Variants in CLCN4 observed in about 807,000 individuals in gnomAD.
CLCN4 encodes the protein Cl-/H+ antiporter 4.
A neutral mutation model predicts 41.7 loss-of-function variants in CLCN4; 1 was observed. The observed-to-expected ratio is 0.02, with a 90% CI of 0.01 to 0.11. CLCN4 has a LOEUF of 0.11. Ranked by LOEUF, CLCN4 falls within the 10% of genes least tolerant of loss-of-function variation. The probability of loss-of-function intolerance (pLI) is 1.00; values close to 1 mark genes in which losing one functional copy is unlikely to be tolerated. For missense variants in CLCN4, 287 were observed against 661.0 expected (o/e 0.43, Z 6.20); for synonymous variants, 277 against 285.8 (o/e 0.97, Z 0.31).
At chrX:10,196,355 A>C (rs1316046603) in intron 5 of CLCN4, among the ~76,000 whole-genome samples, 1 of 111,801 alleles carries the variant, frequency 8.9e-6, no homozygotes, top group Non-Finnish European at 1.9e-5. Flanking sequence ...TTCAGGAAAG[A>C]GTTAACTTCT....
intron 8 of CLCN4, 28 bp downstream of exon 8, chrX:10,206,804 T>C (rs1167307477): frequency 9.1e-7 from 1 of 1,098,029 alleles, no homozygotes; most frequent in East Asian, 3.0e-5. Flanking sequence ...AGGGAATTCG[T>C]GATTTTGAGC....
At chrX:10,184,847 T>C (rs192275936) in intron 2 of CLCN4, among the ~76,000 whole-genome samples, 175 bp from the exon 3 acceptor site, 328 of 112,255 alleles carry the variant, frequency 2.9e-3, no homozygotes, top group African/African-American at 9.9e-3. Flanking sequence ...GGTGACTTTA[T>C]AGAGCATAAC....
rs372694824 is a variant in CLCN4, at chrX:10,208,322, T to C, written c.1121T>C (p.Ile374Thr). Residue 374 changes from isoleucine to threonine, a missense_variant, in exon 9 of 13, where the codon ATT becomes ACT. By Grantham distance (89) the Ile-to-Thr change is moderately conservative (BLOSUM62 -1). Transcript: ENST00000380833. ...GGGAAGTACCCGGTGCTGGAGGTCATTGTGGTGACTGCCATCACTGCCATC... is the reference window on the plus strand; with the variant it reads ...GGGAAGTACCCGGTGCTGGAGGTCACTGTGGTGACTGCCATCACTGCCATC... The part of the protein sequence containing the change: ...RLGKYPVLEV[I>T]VVTAITAIIA... 3.7e-5 allele frequency: 45 copies of C among 1,208,859 alleles called. No homozygotes were observed. Among genetic ancestry groups the C allele is most frequent in the Non-Finnish European group, 5.0e-5 (45 of 895,044 alleles).
intron 2 of CLCN4, among the ~76,000 whole-genome samples, chrX:10,168,513 C>T (rs1339556781): frequency 2.7e-5 from 3 of 112,260 alleles, no homozygotes; most frequent in Non-Finnish European, 3.8e-5. Flanking sequence ...AAGTATTTCA[C>T]GGGCACTTCA....
At chrX:10,179,418 T>C (rs1197006397) in intron 2 of CLCN4, among the ~76,000 whole-genome samples, 1 of 111,557 alleles carries the variant, frequency 9.0e-6, no homozygotes, top group Non-Finnish European at 1.9e-5. Flanking sequence ...TGAATAGAGG[T>C]ATTTCAGATT....
chrX:10,186,798 A>G (rs1424482967), intron 3 of CLCN4, among the ~76,000 whole-genome samples: 1 of 111,963 alleles, frequency 8.9e-6, no homozygotes, highest in African/African-American at 3.3e-5. Flanking sequence ...GTTTTATTGG[A>G]ACTCAGCCAT....
At chrX:10,162,461 G>C (rs1306868919) in intron 2 of CLCN4, among the ~76,000 whole-genome samples, 1 of 112,463 alleles carries the variant, frequency 8.9e-6, no homozygotes, top group African/African-American at 3.2e-5. Flanking sequence ...TAAGTTGTTA[G>C]GCAGCAATAG....
intron 4 of CLCN4, among the ~76,000 whole-genome samples, chrX:10,193,518 A>G (rs1177919521): frequency 1.8e-5 from 2 of 111,383 alleles, no homozygotes; most frequent in African/African-American, 6.5e-5. Context: ...TGAGGAGGAA[A>G]GCAGGAGAGC....
Position 10,208,500 on chromosome X carries a change from G to A in CLCN4, c.1299G>A (p.Pro433=), listed in dbSNP as rs1008267062. The change falls in exon 9 of 13, where the codon CCG becomes CCA. Residue 433 remains proline, a synonymous_variant. Coordinates refer to ENST00000380833, the MANE Select transcript of CLCN4 (RefSeq NM_001830.4). ...TRPVDDIPDR[P]AGVGVYTAMW... ...CTGTGGATGACATTCCAGACCGGCC[G>A]GCTGGTGTCGGTGTTTACACGGCCA... 1.2e-5 allele frequency: 15 copies of A among 1,209,183 alleles called. No individual in the cohort carries two copies. Among genetic ancestry groups the A allele is most frequent in the Admixed American group, 8.8e-5 (4 of 45,678 alleles).
chrX:10,171,678 A>G (rs1369879713), intron 2 of CLCN4, among the ~76,000 whole-genome samples: 1 of 112,189 alleles, frequency 8.9e-6, no homozygotes. Context: ...ATGCATGGCT[A>G]TGATTTAGTA....
intron 4 of CLCN4, among the ~76,000 whole-genome samples, chrX:10,193,373 T>C (rs944872129): frequency 1.8e-5 from 2 of 112,151 alleles, no homozygotes; most frequent in Admixed American, 1.9e-4. Context: ...AATAGTAGGA[T>C]ATGAATAAGG....
intron 12 of CLCN4, among the ~76,000 whole-genome samples, chrX:10,222,861 A>G (rs1924895613): frequency 8.9e-6 from 1 of 112,280 alleles, no homozygotes; most frequent in Non-Finnish European, 1.9e-5. Flanking sequence ...CTCTGACTAC[A>G]GACAGAGCAG....
At chrX:10,200,093 C>A (rs887295548) in intron 6 of CLCN4, among the ~76,000 whole-genome samples, 1 of 112,124 alleles carries the variant, frequency 8.9e-6, no homozygotes, top group African/African-American at 3.2e-5. Flanking sequence ...AGGTCTCACT[C>A]TATTGCCCGG....
At chrX:10,181,589 G>A (rs1002848850) in intron 2 of CLCN4, among the ~76,000 whole-genome samples, 2 of 111,139 alleles carry the variant, frequency 1.8e-5, no homozygotes, top group Non-Finnish European at 3.8e-5. Flanking sequence ...GACATTTTTG[G>A]TCAAACATGG....
intron 6 of CLCN4, among the ~76,000 whole-genome samples, chrX:10,200,952 G>A (rs1055385839): frequency 8.9e-6 from 1 of 112,371 alleles, no homozygotes; most frequent in Non-Finnish European, 1.9e-5. Flanking sequence ...GCCTCCCAAA[G>A]TGCTGGGATT....
At chrX:10,209,106 A>G (rs183594131) in intron 9 of CLCN4, among the ~76,000 whole-genome samples, 148 of 111,676 alleles carry the variant, frequency 1.3e-3, no homozygotes, top group Non-Finnish European at 2.3e-3. Context: ...AAAGAGATGC[A>G]GACCTGGAGT....
chrX:10,227,648 C>G (rs903279195), intron 12 of CLCN4, among the ~76,000 whole-genome samples: 9 of 111,658 alleles, frequency 8.1e-5, no homozygotes, highest in Admixed American at 1.9e-4. Context: ...AACCCCACAC[C>G]CCTTAGCTGT....
At chrX:10,198,110 C>A in intron 6 of CLCN4, 49 bp downstream of exon 6, 1 of 1,161,122 alleles carries the variant, frequency 8.6e-7, no homozygotes, top group Non-Finnish European at 1.2e-6. Context: ...ATAGCAAATT[C>A]TTCTGTAGCA....
chrX:10,233,251 C>T (rs1233495632), intron 12 of CLCN4, among the ~76,000 whole-genome samples: 2 of 112,172 alleles, frequency 1.8e-5, no homozygotes, highest in Non-Finnish European at 3.8e-5. Flanking sequence ...GCTCCTGTGC[C>T]TCTGGCTGCC....
Sources: allele counts gnomAD v4.1 joint callset (sites outside exome capture counted in the v4.1 genomes callset), GRCh38; gene constraint gnomAD v4.1.1; transcripts MANE v1.5; gene names NCBI Gene and HGNC (gene_info 2026-07-23, HGNC 2026-07-21).